The following FOXP1 variants were observed in gnomAD, a reference collection of about 807,000 sequenced individuals.
FOXP1 encodes the protein forkhead box protein P1.
In FOXP1, 15 loss-of-function variants were observed where a neutral mutation model predicts 98.2. That is an observed-to-expected ratio of 0.15 (90% confidence interval 0.10 to 0.24). FOXP1 has a LOEUF of 0.24. FOXP1 is among the 10% of genes least tolerant of loss of function. The pLI is 1.00. For synonymous variants in FOXP1, 371 were observed against 314.5 expected (o/e 1.18, Z -1.90); for missense variants, 633 against 848.5 (o/e 0.75, Z 3.15).
At chr3:71,035,749 C>G (rs1356664915) in intron 11 of FOXP1, among the ~76,000 whole-genome samples, 1 of 151,688 alleles carries the variant, frequency 6.6e-6, no homozygotes, top group Non-Finnish European at 1.5e-5. Flanking sequence ...AAAATAAATA[C>G]AAATTGTCCT....
At chr3:71,299,471 A>G (rs1029523142) in intron 5 of FOXP1, among the ~76,000 whole-genome samples, 1 of 152,260 alleles carries the variant, frequency 6.6e-6, no homozygotes, top group Non-Finnish European at 1.5e-5. Flanking sequence ...TCTTGTTTGC[A>G]GCAAGTTAAT....
intron 5 of FOXP1, among the ~76,000 whole-genome samples, chr3:71,224,087 T>C (rs990241082): frequency 2.0e-5 from 3 of 152,220 alleles, no homozygotes; most frequent in Non-Finnish European, 4.4e-5. Context: ...AGTTGTACCA[T>C]CTGTATAGTA....
In FOXP1 at chr3:70,954,915, C is replaced by G; in HGVS notation, c.*4332G>C. The G allele has an allele frequency of 4.3e-6, 1 of 232,918 alleles. No homozygotes were observed. The highest frequency in any genetic ancestry group is 8.5e-6 in the Non-Finnish European group (1 of 117,836). The allele number at this position is 232,918 out of a possible 1,614,324, so 14.4% of individuals were successfully genotyped here. ...AAAACAAAAAAATTCTTGTTACTGGCAGCACATATACATGAAGCACCATGC... is the reference window on the plus strand; with the variant it reads ...AAAACAAAAAAATTCTTGTTACTGGGAGCACATATACATGAAGCACCATGC... On this transcript the variant is annotated 3_prime_UTR_variant, in exon 21 of 21. Transcript: ENST00000649528.
At chr3:70,978,775 T>G (rs564027233) in intron 14 of FOXP1, among the ~76,000 whole-genome samples, 1 of 152,220 alleles carries the variant, frequency 6.6e-6, no homozygotes. Flanking sequence ...CTTAACAGCA[T>G]TATGAATAAC....
intron 3 of FOXP1, among the ~76,000 whole-genome samples, chr3:71,407,284 T>C (rs1360140381): frequency 6.6e-6 from 1 of 152,176 alleles, no homozygotes; most frequent in Non-Finnish European, 1.5e-5. Context: ...GGTTTGTGTA[T>C]TGGGTTGTTT....
intron 3 of FOXP1, among the ~76,000 whole-genome samples, chr3:71,411,114 T>C (rs1288290701): frequency 6.6e-6 from 1 of 152,202 alleles, no homozygotes; most frequent in Non-Finnish European, 1.5e-5. Flanking sequence ...TAAATTCCCA[T>C]ATATGAAATA....
chr3:71,067,934 T>A (rs887083480), intron 7 of FOXP1, among the ~76,000 whole-genome samples: 36 of 119,144 alleles, frequency 3.0e-4, no homozygotes, highest in Admixed American at 6.0e-4. Context: ...AAAAATAAAA[T>A]AAAAAAAAAA....
chr3:71,286,276 T>C (rs1429508091), intron 5 of FOXP1, among the ~76,000 whole-genome samples: 4 of 152,152 alleles, frequency 2.6e-5, no homozygotes, highest in African/African-American at 9.7e-5. Flanking sequence ...TAGAATTAGA[T>C]GGGATATCTA....
chr3:71,582,274 G>T (rs1055764171), intron 1 of FOXP1: 2 of 983,134 alleles, frequency 2.0e-6, no homozygotes, highest in African/African-American at 1.7e-5. Context: ...CGAGCGCGAC[G>T]TTGTCTGAAA....
chr3:71,022,599 G>T (rs1172484527), intron 11 of FOXP1, among the ~76,000 whole-genome samples: 1 of 152,186 alleles, frequency 6.6e-6, no homozygotes, highest in Non-Finnish European at 1.5e-5. Flanking sequence ...GAGTGTAACT[G>T]TTCCTTTTAC....
chr3:71,176,473 G>A (rs2061943436), intron 6 of FOXP1, among the ~76,000 whole-genome samples: 1 of 152,142 alleles, frequency 6.6e-6, no homozygotes, highest in Non-Finnish European at 1.5e-5. Context: ...TGTGCTGGAG[G>A]TATGGTTCAG....
chr3:71,576,381 A>G (rs1485066159), intron 2 of FOXP1, among the ~76,000 whole-genome samples: 1 of 152,240 alleles, frequency 6.6e-6, no homozygotes, highest in Admixed American at 6.5e-5. Flanking sequence ...GGAAAGTGCA[A>G]TTAGCTTTGC....
At chr3:71,263,471 C>T (rs2069353991) in intron 5 of FOXP1, among the ~76,000 whole-genome samples, 1 of 152,176 alleles carries the variant, frequency 6.6e-6, no homozygotes, top group Non-Finnish European at 1.5e-5. Context: ...CCTTCTCAGT[C>T]AGTGTTCAAC....
chr3:71,166,332 A>T (rs2061398251), intron 6 of FOXP1, among the ~76,000 whole-genome samples: 1 of 152,218 alleles, frequency 6.6e-6, no homozygotes, highest in Non-Finnish European at 1.5e-5. Context: ...GCCATGAATC[A>T]TTAATGACAC....
intron 4 of FOXP1, among the ~76,000 whole-genome samples, chr3:71,354,781 T>C (rs1197527110): frequency 6.6e-6 from 1 of 152,238 alleles, no homozygotes; most frequent in Admixed American, 6.5e-5. Flanking sequence ...CCAGACGTTG[T>C]GCAAAGTGCT....
chr3:71,261,636 G>A (rs2069145576), intron 5 of FOXP1, among the ~76,000 whole-genome samples: 1 of 152,118 alleles, frequency 6.6e-6, no homozygotes, highest in South Asian at 2.1e-4. Context: ...GACTAAAGCT[G>A]TGTTACTGAG....
intron 5 of FOXP1, among the ~76,000 whole-genome samples, chr3:71,235,241 G>T (rs1021010667): frequency 5.9e-5 from 9 of 152,152 alleles, no homozygotes; most frequent in Non-Finnish European, 1.2e-4. Flanking sequence ...CTTTTCTGTA[G>T]GGGTTGGGGT....
chr3:70,968,023 G>T (rs908794708), intron 19 of FOXP1, among the ~76,000 whole-genome samples: 8 of 152,118 alleles, frequency 5.3e-5, no homozygotes, highest in Admixed American at 5.2e-4. Flanking sequence ...CAACTTTCTT[G>T]GGATGAGTAT....
intron 2 of FOXP1, among the ~76,000 whole-genome samples, chr3:71,565,853 C>T (rs1036243215): frequency 8.5e-5 from 13 of 152,178 alleles, no homozygotes; most frequent in African/African-American, 2.4e-4. Context: ...TAGGGGGTAA[C>T]GCTGGGTGAT....
Sources: gnomAD v4.1 joint callset for allele counts (sites outside exome capture counted in the v4.1 genomes callset) on GRCh38, gnomAD v4.1.1 for gene constraint, MANE v1.5 for transcripts, NCBI Gene and HGNC (gene_info 2026-07-23, HGNC 2026-07-21) for gene names.